The following ABLIM1 variants were observed in gnomAD, a reference collection of about 807,000 sequenced individuals.
The protein encoded by ABLIM1 is actin binding LIM protein 1, also known as actin-binding LIM protein 1.
In ABLIM1, 40 loss-of-function variants were observed where a neutral mutation model predicts 107.0. The observed-to-expected ratio is 0.37, with a 90% confidence interval of 0.29 to 0.49. ABLIM1 has a LOEUF of 0.49. ABLIM1 is among the 20% of genes least tolerant of loss of function. ABLIM1 has a pLI of 0.97. For synonymous variants in ABLIM1, 357 were observed against 357.3 expected, an observed-to-expected ratio of 1.00 and a Z score of 0.01; for missense variants, 857 against 1,008.5, an observed-to-expected ratio of 0.85 and a Z score of 2.04.
At chr10:114,781,664 GTATATATATA>G in the ABLIM1 span, among the ~76,000 whole-genome samples, 3 of 143,356 alleles carry the variant, frequency 2.1e-5, no homozygotes, top group Non-Finnish European at 4.5e-5. Context: ...ATATATGCGT[GTATATATATA>G]TATATATATA....
chr10:114,713,479 A>C (rs946782049), intron 1 of ABLIM1, among the ~76,000 whole-genome samples: 1 of 152,232 alleles, frequency 6.6e-6, no homozygotes, highest in African/African-American at 2.4e-5. Context: ...ATGAAGAGAA[A>C]GGGAAAATCA....
rs145951273 is a variant in ABLIM1 at position 114,602,788 on chromosome 10, A to C, written c.245-827T>G. On this transcript the variant is annotated intron_variant, in intron 1 of 22. Coordinates refer to ENST00000533213, the MANE Select transcript of ABLIM1 (RefSeq NM_002313.7). Reference sequence around the variant, plus strand: ...AAGGATACTAAGAGAATACTAAAAGAATACTCTTAGTTTCCAGAGTGTGGC... The same window carrying C: ...AAGGATACTAAGAGAATACTAAAAGCATACTCTTAGTTTCCAGAGTGTGGC... 2.9e-3 allele frequency among the ~76,000 whole-genome samples: 445 copies of C among 152,338 alleles called. 2 individuals carry two copies. Among genetic ancestry groups the C allele is most frequent in the African/African-American group, 0.01 (428 of 41,582 alleles).
Position 114,547,768 on chromosome 10 carries a change from C to A in ABLIM1, c.682G>T (p.Gly228Cys). ...KETTFSSNCA[G>C]CGRDIKNGQA... ...CCATTCTTGATATCTCTTCCGCAGC[C>A]GGCACAATCTGAAAAAGAGCAGCCG... The change falls in exon 5 of 23, where the codon GGC (glycine) becomes TGC (cysteine). Residue 228 changes from glycine (G) to cysteine (C), a missense_variant. Transcript: ENST00000533213. The A allele has an allele frequency of 6.2e-7, 1 of 1,609,222 alleles. No homozygotes were observed. The highest frequency in any genetic ancestry group is 8.5e-7 in the Non-Finnish European group (1 of 1,179,968).
intron 2 of ABLIM1, among the ~76,000 whole-genome samples, chr10:114,587,809 G>A (rs1430287570): frequency 6.6e-6 from 1 of 152,058 alleles, no homozygotes; most frequent in Non-Finnish European, 1.5e-5. Flanking sequence ...AACATCCCCA[G>A]ACCAATGAGA....
intron 6 of ABLIM1, among the ~76,000 whole-genome samples, chr10:114,492,845 G>A (rs933698238): frequency 1.3e-4 from 20 of 152,166 alleles, no homozygotes; most frequent in Non-Finnish European, 2.9e-4. Flanking sequence ...CAGATGTCAC[G>A]TGGTAATTCC....
intron 1 of ABLIM1, among the ~76,000 whole-genome samples, chr10:114,726,828 C>T (rs1190821792): frequency 1.3e-5 from 2 of 152,084 alleles, no homozygotes; most frequent in East Asian, 3.9e-4. Context: ...GGCGCTAAAG[C>T]ATTCATGAGA....
the ABLIM1 span, among the ~76,000 whole-genome samples, chr10:114,784,966 T>C: frequency 6.6e-6 from 1 of 152,226 alleles, no homozygotes; most frequent in Non-Finnish European, 1.5e-5. Context: ...TTGAGACTAA[T>C]TTACTTTCAT....
rs1307088256 is a variant in ABLIM1, at chr10:114,435,406, C to G, written c.*854G>C. The G allele has an allele frequency of 1.3e-5, 2 of 152,102 alleles. No individual in the cohort carries two copies. The highest frequency in any genetic ancestry group is 2.9e-5 in the Non-Finnish European group (2 of 68,040). 9.4% of individuals were successfully genotyped at this position (152,102 alleles called of 1,614,324 possible). On this transcript the variant is annotated 3_prime_UTR_variant, in exon 23 of 23. Transcript: ENST00000533213. ...ATGATATGGCCCCTATGCAAAATCACCTAATGGCATGCCACTGGGCCAATC... is the reference window on the plus strand; with the variant it reads ...ATGATATGGCCCCTATGCAAAATCAGCTAATGGCATGCCACTGGGCCAATC...
chr10:114,439,869 C>T (rs556138193), intron 20 of ABLIM1: 55 of 716,076 alleles, frequency 7.7e-5, no homozygotes, highest in Non-Finnish European at 1.1e-4. Flanking sequence ...CTACACCTGG[C>T]CTGGTTCATG....
chr10:114,660,365 G>A (rs1195368026), upstream of ABLIM1, among the ~76,000 whole-genome samples: 1 of 151,784 alleles, frequency 6.6e-6, no homozygotes, highest in Non-Finnish European at 1.5e-5. Context: ...AGGGTGATGG[G>A]TGCACCAAAA....
At chr10:114,443,917 C>T in intron 17 of ABLIM1, 112 bp downstream of exon 17, 1 of 841,746 alleles carries the variant, frequency 1.2e-6, no homozygotes, top group Non-Finnish European at 1.9e-6. Flanking sequence ...CCCACACTTC[C>T]TTTCCCGTGG....
chr10:114,648,419 G>A (rs915667806), intron 1 of ABLIM1, among the ~76,000 whole-genome samples: 4 of 152,124 alleles, frequency 2.6e-5, no homozygotes, highest in African/African-American at 7.2e-5. Flanking sequence ...AGTAAAAGAA[G>A]CTAGACACAA....
intron 13 of ABLIM1, 42 bp downstream of exon 13, chr10:114,453,337 A>C: frequency 6.3e-7 from 1 of 1,591,560 alleles, no homozygotes; most frequent in Non-Finnish European, 8.6e-7. Flanking sequence ...TACATTCTAC[A>C]CTGTGACAGG....
rs530430414 is a variant in ABLIM1 at position 114,584,246 on chromosome 10, G to A, written c.380-8647C>T. On this transcript the variant is annotated intron_variant, in intron 2 of 22. Coordinates refer to ENST00000533213, the MANE Select transcript of ABLIM1 (RefSeq NM_002313.7). ...CTAGAGCTGGGCTGGAGCAAACGCA[G>A]GGTACAGAACTCTCAATCACTTCAC... 3.3e-4 allele frequency among the ~76,000 whole-genome samples: 51 copies of A among 152,268 alleles called. No homozygotes were observed. The South Asian group carries it at 5.0e-3, about 15-fold the overall frequency.
intron 1 of ABLIM1, among the ~76,000 whole-genome samples, chr10:114,638,823 G>T (rs1048540748): frequency 6.6e-6 from 1 of 152,120 alleles, no homozygotes; most frequent in African/African-American, 2.4e-5. Context: ...ACTTCATATG[G>T]AAGGACCTGT....
chr10:114,562,756 C>T (rs1367450156), intron 4 of ABLIM1, among the ~76,000 whole-genome samples: 2 of 152,156 alleles, frequency 1.3e-5, no homozygotes. Flanking sequence ...GAGATTTACT[C>T]CCTCAGAGGC....
rs1259698080 is a variant in ABLIM1, at chr10:114,436,214, A to C, written c.*46T>G. ...GCCTCAATATGACATCCTATGGGGC[A>C]CCGCCACTGTCAGTCCTTTCTCTAA... is the stretch of plus-strand genomic sequence containing the variant. On this transcript the variant is annotated 3_prime_UTR_variant, in exon 23 of 23. Transcript: ENST00000533213. 1.3e-6 allele frequency: 2 copies of C among 1,500,312 alleles called. No individual in the cohort carries two copies. The highest frequency in any genetic ancestry group is 1.4e-5 in the African/African-American group (1 of 72,116). The allele number at this position is 1,500,312 out of a possible 1,614,324, so 92.9% of individuals were successfully genotyped here. A position where few individuals can be genotyped will look rare whatever the true frequency, so the allele number is the denominator to read the frequency against.
intron 12 of ABLIM1, 92 bp downstream of exon 12, chr10:114,465,606 G>A (rs7899255): frequency 0.46 from 683,886 of 1,480,482 alleles, 158,633 homozygotes; most frequent in East Asian, 0.54. Flanking sequence ...ATGTTTAGTC[G>A]TTGATTTTTC....
chr10:114,639,670 T>C (rs2078647978), intron 1 of ABLIM1, among the ~76,000 whole-genome samples: 1 of 152,250 alleles, frequency 6.6e-6, no homozygotes, highest in Admixed American at 6.5e-5. Flanking sequence ...TCAGAAGATG[T>C]TCATGCTCAG....
Sources: allele counts gnomAD v4.1 joint callset (sites outside exome capture counted in the v4.1 genomes callset), GRCh38; gene constraint gnomAD v4.1.1; transcripts MANE v1.5; gene names NCBI Gene and HGNC (gene_info 2026-07-23, HGNC 2026-07-21).